SPACA7: variants seen among roughly 807,000 people sequenced by gnomAD.
The protein encoded by SPACA7 is sperm acrosome associated 7.
A neutral mutation model predicts 26.3 loss-of-function variants in SPACA7; 19 were observed. That is an observed-to-expected ratio of 0.72 (90% CI 0.50 to 1.06). The LOEUF (loss-of-function observed/expected upper bound fraction) is 1.06, where lower values mean the gene tolerates loss of function less well. Among genes scored for constraint, SPACA7 ranks in the 50% least tolerant of loss-of-function variants. The pLI is 0.00. For synonymous variants in SPACA7, 84 were observed against 84.5 expected, an observed-to-expected ratio of 0.99 and a Z score of 0.04; for missense variants, 211 against 229.9, an observed-to-expected ratio of 0.92 and a Z score of 0.53.
rs747006463 is a variant in SPACA7 at position 112,376,485 on chromosome 13, G to T, written c.94+6G>T. On this transcript the variant is annotated splice_donor_region_variant and intron_variant, in intron 1 of 6. Coordinates refer to ENST00000283550, the MANE Select transcript of SPACA7 (RefSeq NM_145248.5). ...GCCGAGAACCGTGATTCCAGGTAGG[G>T]CCCCACAGGGATGTCTCAGCAGAAA... 6.2e-7 allele frequency: 1 copy of T among 1,610,972 alleles called. No homozygotes were observed. The highest frequency in any genetic ancestry group is 8.5e-7 in the Non-Finnish European group (1 of 1,178,636).
intron 5 of SPACA7, among the ~76,000 whole-genome samples, chr13:112,408,563 T>C (rs1223766060): frequency 1.1e-5 from 1 of 93,816 alleles, no homozygotes; most frequent in Non-Finnish European, 2.3e-5. Flanking sequence ...CAAGCATTCT[T>C]ATACACCAAT....
At chr13:112,391,185 A>G (rs1884865227) in intron 1 of SPACA7, among the ~76,000 whole-genome samples, 1 of 152,204 alleles carries the variant, frequency 6.6e-6, no homozygotes, top group African/African-American at 2.4e-5. Context: ...ACCTCCCAAG[A>G]TCTGATTTCC....
intron 1 of SPACA7, chr13:112,382,273 G>C: frequency 1.6e-6 from 1 of 607,400 alleles, no homozygotes; most frequent in Admixed American, 3.5e-5. Flanking sequence ...TTTTGTTTTT[G>C]ACAGAGTCTC....
intron 4 of SPACA7, among the ~76,000 whole-genome samples, chr13:112,400,635 T>A (rs1395832778): frequency 5.3e-5 from 8 of 152,210 alleles, no homozygotes; most frequent in African/African-American, 1.9e-4. Context: ...AGGAAACACT[T>A]CTGTGCAAAT....
At chr13:112,434,448 C>T (rs1469994598) in intron 6 of SPACA7, 37 bp from the exon 7 acceptor site, 1 of 1,565,122 alleles carries the variant, frequency 6.4e-7, no homozygotes, top group Non-Finnish European at 8.7e-7. Context: ...CCTCATACCA[C>T]ACACTGCCAG....
intron 5 of SPACA7, among the ~76,000 whole-genome samples, chr13:112,431,215 G>A (rs1877101899): frequency 6.6e-6 from 1 of 152,220 alleles, no homozygotes; most frequent in Non-Finnish European, 1.5e-5. Flanking sequence ...CAGCCTTTAA[G>A]GATGCCTGCA....
At chr13:112,407,099 A>C (rs570698699) in intron 5 of SPACA7, among the ~76,000 whole-genome samples, 10 of 152,322 alleles carry the variant, frequency 6.6e-5, no homozygotes, top group Admixed American at 3.3e-4. Flanking sequence ...AAACTGAATA[A>C]CCTGCTCCTG....
intron 3 of SPACA7, among the ~76,000 whole-genome samples, 160 bp downstream of exon 3, chr13:112,398,298 A>G (rs1319531208): frequency 2.0e-5 from 3 of 151,800 alleles, no homozygotes; most frequent in Non-Finnish European, 4.4e-5. Context: ...ATCTAAAACC[A>G]TTTCTACAGC....
chr13:112,395,728 C>T (rs1885202875), intron 2 of SPACA7, among the ~76,000 whole-genome samples: 3 of 152,176 alleles, frequency 2.0e-5, no homozygotes, highest in South Asian at 4.1e-4. Flanking sequence ...CCTCGGCCTC[C>T]CAGTGCGCTG....
intron 5 of SPACA7, among the ~76,000 whole-genome samples, chr13:112,425,024 T>C (rs1055622558): frequency 6.6e-6 from 1 of 152,200 alleles, no homozygotes; most frequent in Non-Finnish European, 1.5e-5. Flanking sequence ...AGCAGAGGAC[T>C]GGAGAAGATG....
chr13:112,414,388 C>CTTTTTTTTT lies in SPACA7; in HGVS notation c.445+13256_445+13264dup, dbSNP rs869183760. The stretch of plus-strand genomic sequence containing the variant: ...AAGTTTCTGAATGGCTTTTCTGTGT[C>CTTTTTTTTT]TTTTTTTTTTTTTTTTTTTTTTTTT... On this transcript the variant is annotated intron_variant, in intron 5 of 6. Transcript: ENST00000283550. 1.6e-3 allele frequency among the ~76,000 whole-genome samples: 49 copies of CTTTTTTTTT among 31,396 alleles called. 21 individuals are homozygous for CTTTTTTTTT. The highest frequency in any genetic ancestry group is 2.4e-3 in the East Asian group (2 of 820). 20.6% of individuals were successfully genotyped at this position (31,396 alleles called of 152,430 possible).
intron 5 of SPACA7, among the ~76,000 whole-genome samples, chr13:112,428,499 G>T (rs1594333187): frequency 6.6e-6 from 1 of 152,078 alleles, no homozygotes; most frequent in Non-Finnish European, 1.5e-5. Context: ...AGAATCACTT[G>T]ACCCCAGGCA....
At chr13:112,381,070 G>T (rs1271344033) in intron 1 of SPACA7, among the ~76,000 whole-genome samples, 1 of 150,234 alleles carries the variant, frequency 6.7e-6, no homozygotes, top group African/African-American at 2.5e-5. Context: ...AGAAAACTTT[G>T]CTTAGTACTG....
At chr13:112,430,056 G>A (rs186494448) in intron 5 of SPACA7, among the ~76,000 whole-genome samples, 8 of 152,236 alleles carry the variant, frequency 5.3e-5, no homozygotes, top group African/African-American at 1.7e-4. Flanking sequence ...GTGAGCTCTG[G>A]AAATTGTTCT....
chr13:112,400,990 A>T, intron 4 of SPACA7, 79 bp from the exon 5 acceptor site: 1 of 1,042,552 alleles, frequency 9.6e-7, no homozygotes, highest in Non-Finnish European at 1.5e-6. Flanking sequence ...TAGCATGTTT[A>T]AATAAATAAA....
chr13:112,386,038 G>T (rs532728915), intron 1 of SPACA7, among the ~76,000 whole-genome samples: 34 of 152,310 alleles, frequency 2.2e-4, no homozygotes, highest in African/African-American at 7.5e-4. Flanking sequence ...AAAATTAAGG[G>T]TGCCATTTTA....
chr13:112,383,972 T>G (rs1395387623), intron 1 of SPACA7, among the ~76,000 whole-genome samples: 1 of 152,228 alleles, frequency 6.6e-6, no homozygotes, highest in Non-Finnish European at 1.5e-5. Flanking sequence ...ACAAATATGT[T>G]GTAAATTTTG....
intron 5 of SPACA7, among the ~76,000 whole-genome samples, chr13:112,409,709 G>T (rs1478134494): frequency 1.3e-5 from 2 of 152,150 alleles, no homozygotes; most frequent in Admixed American, 6.5e-5. Flanking sequence ...TAAAAAGTAA[G>T]GAAACAACAG....
chr13:112,424,110 G>C (rs796737097), intron 5 of SPACA7, among the ~76,000 whole-genome samples: 1 of 152,156 alleles, frequency 6.6e-6, no homozygotes. Context: ...TGATAAATAC[G>C]GGGTGAATCC....
Sources: allele counts gnomAD v4.1 joint callset (sites outside exome capture counted in the v4.1 genomes callset), GRCh38; gene constraint gnomAD v4.1.1; transcripts MANE v1.5; gene names NCBI Gene and HGNC (gene_info 2026-07-23, HGNC 2026-07-21).